Variants in CETP observed in about 807,000 individuals in gnomAD.
CETP encodes the protein BPI fold containing family F.
In CETP, 56 loss-of-function variants were observed where a neutral mutation model predicts 66.5. The ratio of observed to expected loss-of-function variants is 0.84; its 90% confidence interval spans 0.68 to 1.05. The LOEUF (loss-of-function observed/expected upper bound fraction) is 1.05. Among genes scored for constraint, CETP ranks in the 50% least tolerant of loss-of-function variants. The pLI, the probability that CETP is intolerant of heterozygous loss-of-function variation, is 0.00. For synonymous variants in CETP, 251 were observed against 245.7 expected (o/e 1.02, Z -0.20); for missense variants, 612 against 609.6 (o/e 1.00, Z -0.04).
intron 4 of CETP, 93 bp downstream of exon 4, chr16:56,969,774 G>T: frequency 6.4e-7 from 1 of 1,563,032 alleles, no homozygotes; most frequent in Non-Finnish European, 8.8e-7. Flanking sequence ...GGGTTCTGGG[G>T]CCACCAAAGG....
Position 56,983,675 on chromosome 16 carries a change from A to G in CETP, c.*9A>G. The G allele has an allele frequency of 2.5e-6, 4 of 1,613,772 alleles. No homozygotes were observed. The highest frequency in any genetic ancestry group is 3.4e-6 in the Non-Finnish European group (4 of 1,179,672). Reference sequence around the variant, plus strand: ...TCCAGAGCTTGAGCTAGAAGTCTCCAAGGAGGTCGGGATGGGGCTTGTAGC... The same window carrying G: ...TCCAGAGCTTGAGCTAGAAGTCTCCGAGGAGGTCGGGATGGGGCTTGTAGC... On this transcript the variant is annotated 3_prime_UTR_variant, in exon 16 of 16. Transcript: ENST00000200676.
intron 9 of CETP, among the ~76,000 whole-genome samples, chr16:56,974,398 A>C (rs2056135199): frequency 6.6e-6 from 1 of 152,228 alleles, no homozygotes; most frequent in Non-Finnish European, 1.5e-5. Context: ...GCAGTGAGCT[A>C]TGATGGCACC....
Position 56,969,966 on chromosome 16 carries a change from C to T in CETP, c.492C>T (p.Phe164=). 1 of 1,614,098 alleles carries T rather than the reference C, an allele frequency of 6.2e-7. No individual in the cohort carries two copies. ...ATGCCCCTGACTGCTACCTGTCTTT[C>T]CATAAGCTGCTCCTGCATCTCCAAG... ...RTDAPDCYLS[F]HKLLLHLQGE... The change falls in exon 5 of 16, where the codon TTC becomes TTT. Residue 164 remains phenylalanine, a synonymous_variant. Coordinates refer to ENST00000200676, the MANE Select transcript of CETP (RefSeq NM_000078.3).
intron 4 of CETP, 56 bp downstream of exon 4, chr16:56,969,737 A>C: frequency 6.3e-7 from 1 of 1,599,854 alleles, no homozygotes; most frequent in Admixed American, 1.7e-5. Context: ...GCTTGGCCTC[A>C]GCAGAGGGGG....
intron 12 of CETP, 122 bp from the exon 13 acceptor site, chr16:56,981,525 C>T (rs1296590443): frequency 3.4e-6 from 4 of 1,190,428 alleles, no homozygotes; most frequent in Non-Finnish European, 5.0e-6. Context: ...CAAGAGAGTG[C>T]CCCAAAGGGC....
chr16:56,975,072 C>A (rs754135357), intron 9 of CETP, 29 bp from the exon 10 acceptor site: 2 of 1,612,186 alleles, frequency 1.2e-6, no homozygotes, highest in Middle Eastern at 1.7e-4. Context: ...TTACTCCACC[C>A]ACCCTCCAAC....
rs1182339564 is a variant in CETP at position 56,963,240 on chromosome 16, C to T, written c.233+116C>T. On this transcript the variant is annotated intron_variant, in intron 2 of 15. Transcript: ENST00000200676. ...AGCAGCTGGGGGACTCAGGTCTCTC[C>T]CCTTGATTTGGAACCAGAGCCTGAC... The T allele has an allele frequency of 6.3e-6, 5 of 798,592 alleles. No homozygotes were observed. In the East Asian group the frequency reaches 1.1e-4, roughly 17 times the overall value. 49.5% of individuals were successfully genotyped at this position (798,592 alleles called of 1,614,324 possible). A position where few individuals can be genotyped will look rare whatever the true frequency, so the allele number is the denominator to read the frequency against.
chr16:56,962,903 G>T, intron 1 of CETP, 107 bp from the exon 2 acceptor site: 1 of 933,932 alleles, frequency 1.1e-6, no homozygotes, highest in South Asian at 1.3e-5. Context: ...AAGACCTGCT[G>T]GGAGCCTCAT....
chr16:56,970,948 C>G, intron 5 of CETP, 85 bp from the exon 6 acceptor site: 3 of 1,262,132 alleles, frequency 2.4e-6, no homozygotes, highest in Non-Finnish European at 3.5e-6. Context: ...GCCAACAGAG[C>G]CATGAACGGT....
Position 56,962,008 on chromosome 16 carries a change from C to T in CETP, c.29C>T (p.Ala10Val). The change falls in exon 1 of 16, where the codon GCC becomes GTC. Residue 10 changes from alanine (A) to valine (V), a missense_variant. Physicochemically the swap from Ala to Val is moderately conservative, Grantham distance 64. Coordinates refer to ENST00000200676, the MANE Select transcript of CETP (RefSeq NM_000078.3). MLAATVLTL[A>V]LLGNAHACSK... ...CTGGCTGCCACAGTCCTGACCCTGG[C>T]CCTGCTGGGCAATGCCCATGCCTGC... 1.9e-6 allele frequency: 3 copies of T among 1,614,124 alleles called. No homozygotes were observed. The highest frequency in any genetic ancestry group is 2.5e-6 in the Non-Finnish European group (3 of 1,180,036).
Position 56,978,237 on chromosome 16 carries a change from A to T in CETP, c.1128A>T (p.Val376=). 6.2e-7 allele frequency: 1 copy of T among 1,614,196 alleles called. No homozygotes were observed. The part of the protein sequence containing the change: ...LFPRPDQQHS[V]AYTFEEDIVT... ...CACGCCCAGACCAGCAACATTCTGT[A>T]GCTTACACATTTGAAGAGGTGAGGC... The change falls in exon 11 of 16, where the codon GTA becomes GTT. Residue 376 remains valine (V), a synonymous_variant. Coordinates refer to ENST00000200676, the MANE Select transcript of CETP (RefSeq NM_000078.3).
intron 5 of CETP, 40 bp downstream of exon 5, chr16:56,970,041 C>G: frequency 6.3e-7 from 1 of 1,583,792 alleles, no homozygotes; most frequent in Admixed American, 1.7e-5. Context: ...CTGCTCGTGC[C>G]CATCCTGTTA....
chr16:56,981,187 T>G lies in CETP; in HGVS notation c.1176T>G (p.Tyr392Ter), dbSNP rs777046304. The G allele has an allele frequency of 1.9e-6, 3 of 1,613,918 alleles. No homozygotes were observed. The highest frequency in any genetic ancestry group is 2.5e-6 in the Non-Finnish European group (3 of 1,179,772). Residue 392 changes from tyrosine (Y) to a stop codon, truncating the protein, a stop_gained, in exon 12 of 16, where the codon TAT (tyrosine) becomes TAG (stop). Coordinates refer to ENST00000200676, the MANE Select transcript of CETP (RefSeq NM_000078.3). LOFTEE classifies it high-confidence loss of function. Reference protein sequence around the residue: ...EDIVTTVQASYSKKKLFLSLL... With the variant: ...EDIVTTVQAS ...TCGTGACTACCGTCCAGGCCTCCTA[T>G]TCTAAGAAAAAGCTCTTCTTAAGCC...
chr16:56,983,483 T>C (rs1271335392), intron 15 of CETP, 72 bp downstream of exon 15: 1 of 1,594,010 alleles, frequency 6.3e-7, no homozygotes, highest in Non-Finnish European at 8.6e-7. Flanking sequence ...CTGGGGTGAC[T>C]GGGGGCTGTT....
chr16:56,968,249 G>C (rs1449791666), intron 2 of CETP, among the ~76,000 whole-genome samples: 2 of 151,882 alleles, frequency 1.3e-5, no homozygotes, highest in Non-Finnish European at 2.9e-5. Flanking sequence ...GTAATGGCGC[G>C]ATCTCAGCTC....
intron 7 of CETP, 82 bp downstream of exon 7, chr16:56,971,463 C>T (rs2056109876): frequency 8.3e-7 from 1 of 1,209,468 alleles, no homozygotes; most frequent in South Asian, 1.2e-5. Flanking sequence ...GGCCTTGGGA[C>T]TGTCACTCTT....
At position 56,973,358 on chromosome 16, in the gene CETP, G is replaced by A; in HGVS notation, c.778G>A (p.Glu260Lys). Reference protein sequence around the residue: ...KGHFIYKNVSEDLPLPTFSPT... With the variant: ...KGHFIYKNVSKDLPLPTFSPT... ...TCATTTCATCTACAAGAATGTCTCA[G>A]AGGACCTCCCCCTCCCCACCTTCTC... is the stretch of plus-strand genomic sequence containing the variant. Residue 260 changes from glutamate to lysine, a missense_variant, in exon 9 of 16, where the codon GAG becomes AAG. Transcript: ENST00000200676. The A allele has an allele frequency of 6.2e-7, 1 of 1,614,204 alleles. No homozygotes were observed. The highest frequency in any genetic ancestry group is 8.5e-7 in the Non-Finnish European group (1 of 1,180,038).
intron 11 of CETP, among the ~76,000 whole-genome samples, chr16:56,979,471 G>T (rs2056172952): frequency 6.6e-6 from 1 of 151,888 alleles, no homozygotes. Context: ...TACAAATAAG[G>T]AATTAAGAAT....
intron 2 of CETP, among the ~76,000 whole-genome samples, chr16:56,963,990 T>TTTTTTTTA (rs1428533566): frequency 3.7e-4 from 49 of 132,396 alleles, no homozygotes; most frequent in Middle Eastern, 3.8e-3. Context: ...TTAATCTTTA[T>TTTTTTTTA]TTTATTTATT....
Sources: allele counts gnomAD v4.1 joint callset (sites outside exome capture counted in the v4.1 genomes callset), GRCh38; gene constraint gnomAD v4.1.1; transcripts MANE v1.5; gene names NCBI Gene and HGNC (gene_info 2026-07-23, HGNC 2026-07-21).